FAM20A: variants seen among roughly 807,000 people sequenced by gnomAD.
FAM20A encodes pseudokinase FAM20A.
A neutral mutation model predicts 52.0 loss-of-function variants in FAM20A; 42 were observed. The observed-to-expected ratio is 0.81, with a 90% CI of 0.63 to 1.04. FAM20A has a LOEUF of 1.04. Ranked by LOEUF, FAM20A falls within the 50% of genes least tolerant of loss-of-function variation. The pLI is 0.00. For synonymous variants in FAM20A, 304 were observed against 298.9 expected (o/e 1.02, Z -0.18); for missense variants, 742 against 712.7 (o/e 1.04, Z -0.47).
Position 68,539,369 on chromosome 17 carries a change from G to A in FAM20A, c.1329C>T (p.Ile443=). 1 of 1,614,212 alleles carries A rather than the reference G, an allele frequency of 6.2e-7. No individual in the cohort carries two copies. Among genetic ancestry groups the A allele is most frequent in the Non-Finnish European group, 8.5e-7 (1 of 1,180,032 alleles). Residue 443 remains isoleucine, a synonymous_variant, in exon 10 of 11, where the codon ATC becomes ATT. Coordinates refer to ENST00000592554, the MANE Select transcript of FAM20A (RefSeq NM_017565.4). Reference sequence around the variant, plus strand: ...ACTGGGAGAGAGGCGAGAGGATGGAGATTTCATCATGGGAGTGTCGTCCGA... The same window carrying A: ...ACTGGGAGAGAGGCGAGAGGATGGAAATTTCATCATGGGAGTGTCGTCCGA... The part of the protein sequence containing the change: ...RGFGRHSHDE[I]SILSPLSQCC...
chr17:68,539,704 T>A (rs985188787), intron 9 of FAM20A, among the ~76,000 whole-genome samples, 181 bp downstream of exon 9: 5 of 152,174 alleles, frequency 3.3e-5, no homozygotes, highest in African/African-American at 1.2e-4. Context: ...TGGAGGAGGA[T>A]CAAGTGGTTC....
intron 1 of FAM20A, among the ~76,000 whole-genome samples, chr17:68,581,681 T>C (rs1041795644): frequency 2.0e-5 from 3 of 151,496 alleles, no homozygotes; most frequent in African/African-American, 7.3e-5. Flanking sequence ...GTTTAAGCGA[T>C]TGTCTTGCCT....
intron 4 of FAM20A, among the ~76,000 whole-genome samples, chr17:68,545,425 G>C (rs556405200): frequency 6.6e-6 from 1 of 152,178 alleles, no homozygotes; most frequent in Non-Finnish European, 1.5e-5. Context: ...TAAAAGTTAC[G>C]TTTCATTATA....
chr17:68,562,012 C>T (rs1004685562), intron 1 of FAM20A, among the ~76,000 whole-genome samples: 16 of 152,066 alleles, frequency 1.1e-4, no homozygotes, highest in Admixed American at 2.6e-4. Context: ...TCAGTAGAGA[C>T]GGGGTTTCGC....
intron 4 of FAM20A, among the ~76,000 whole-genome samples, chr17:68,548,508 C>T (rs1397391994): frequency 6.6e-6 from 1 of 151,200 alleles, no homozygotes; most frequent in Admixed American, 6.6e-5. Context: ...CCAGCCTGGG[C>T]AACAGAGTGA....
In FAM20A at chr17:68,580,386, G is replaced by A. The variant is rs567160953; in HGVS notation, c.404+19877C>T. Among the ~76,000 whole-genome samples, 18 of 152,310 alleles carry A rather than the reference G, an allele frequency of 1.2e-4. No individual in the cohort carries two copies. In the South Asian group the frequency reaches 3.1e-3, roughly 26 times the overall value. On this transcript the variant is annotated intron_variant, in intron 1 of 10. Coordinates refer to ENST00000592554, the MANE Select transcript of FAM20A (RefSeq NM_017565.4). ...GTTTCCCGAAATGGGCTGGTTTCCC[G>A]ACAAAAACTCATTCCTTTCTCGTTA...
chr17:68,540,636 A>C (rs1439672224), intron 8 of FAM20A: 3 of 668,872 alleles, frequency 4.5e-6, no homozygotes, highest in Non-Finnish European at 8.1e-6. Flanking sequence ...CTGCCTTATG[A>C]GTGACGACCC....
intron 1 of FAM20A, among the ~76,000 whole-genome samples, chr17:68,566,492 T>A (rs1199071900): frequency 6.6e-6 from 1 of 152,200 alleles, no homozygotes; most frequent in Non-Finnish European, 1.5e-5. Flanking sequence ...AATATGGTCT[T>A]TTTCAGAGTA....
At chr17:68,575,531 A>ATATTATATAATC (rs2087719722) in intron 1 of FAM20A, among the ~76,000 whole-genome samples, 1 of 101,982 alleles carries the variant, frequency 9.8e-6, no homozygotes, top group Non-Finnish European at 1.8e-5. Context: ...ATTATATAAT[A>ATATTATATAATC]TATATTTTAT....
intron 1 of FAM20A, among the ~76,000 whole-genome samples, chr17:68,566,493 T>C (rs1427440788): frequency 6.6e-6 from 1 of 152,194 alleles, no homozygotes; most frequent in Non-Finnish European, 1.5e-5. Flanking sequence ...ATATGGTCTT[T>C]TTCAGAGTAT....
At chr17:68,564,623 G>T (rs571180721) in intron 1 of FAM20A, among the ~76,000 whole-genome samples, 30 of 152,350 alleles carry the variant, frequency 2.0e-4, no homozygotes, top group Admixed American at 9.1e-4. Flanking sequence ...GTCTCTTGGT[G>T]TGCAGACTAA....
rs144294353 is a variant in FAM20A at position 68,594,698 on chromosome 17, G to A, written c.404+5565C>T. On this transcript the variant is annotated intron_variant, in intron 1 of 10. Transcript: ENST00000592554. ...TGTAGTCCCTGTTTCCTTGCTGGCTGTCAGCTGGGGCTAATCTTAGCCTAA... is the reference window on the plus strand; with the variant it reads ...TGTAGTCCCTGTTTCCTTGCTGGCTATCAGCTGGGGCTAATCTTAGCCTAA... Among the ~76,000 whole-genome samples the A allele has an allele frequency of 9.4e-4, 143 of 152,344 alleles. 4 individuals are homozygous for A. In the East Asian group the frequency reaches 0.023, roughly 25 times the overall value.
chr17:68,562,632 A>G lies in FAM20A; in HGVS notation c.405-6889T>C, dbSNP rs2087248881. 1.3e-5 allele frequency among the ~76,000 whole-genome samples: 2 copies of G among 148,354 alleles called. 1 individual carries two copies. The highest frequency in any genetic ancestry group is 4.4e-4 in the South Asian group (2 of 4,564). On this transcript the variant is annotated intron_variant, in intron 1 of 10. Transcript: ENST00000592554. ...TCCATCCCCCCCCCTTTTTATTTTA[A>G]GCATTGCATCTTCTCATTTGAATTG...
intron 4 of FAM20A, among the ~76,000 whole-genome samples, chr17:68,550,163 C>A (rs1005043357): frequency 2.0e-5 from 3 of 152,068 alleles, no homozygotes; most frequent in Admixed American, 2.0e-4. Context: ...TGATGACAAC[C>A]AATTCCCCAA....
At chr17:68,567,883 C>T (rs1186737171) in intron 1 of FAM20A, among the ~76,000 whole-genome samples, 5 of 152,026 alleles carry the variant, frequency 3.3e-5, no homozygotes, top group Admixed American at 2.0e-4. Flanking sequence ...TTCTTGCACT[C>T]GCTCCCTCCT....
chr17:68,579,319 A>G (rs1334881428), intron 1 of FAM20A, among the ~76,000 whole-genome samples: 1 of 152,128 alleles, frequency 6.6e-6, no homozygotes, highest in Non-Finnish European at 1.5e-5. Context: ...CACCTGCACG[A>G]GACCAGGTGA....
chr17:68,557,185 G>A (rs1345471654), intron 1 of FAM20A, among the ~76,000 whole-genome samples: 1 of 151,138 alleles, frequency 6.6e-6, no homozygotes, highest in Non-Finnish European at 1.5e-5. Context: ...GGGCGACAGA[G>A]CGAGACTCTG....
At position 68,551,855 on chromosome 17, in the gene FAM20A, A is replaced by C; in HGVS notation, c.719+18T>G. The stretch of plus-strand genomic sequence containing the variant: ...GCCACCCCAACTGGGTGTGGAAAGG[A>C]GGAAGGCAGTCACTTACCTCATGGG... On this transcript the variant is annotated intron_variant, in intron 4 of 10. Coordinates refer to ENST00000592554, the MANE Select transcript of FAM20A (RefSeq NM_017565.4). 1 of 1,559,616 alleles carries C rather than the reference A, an allele frequency of 6.4e-7. No individual in the cohort carries two copies. The highest frequency in any genetic ancestry group is 8.7e-7 in the Non-Finnish European group (1 of 1,148,320).
At position 68,536,684 on chromosome 17, in the gene FAM20A, G is replaced by A. The variant is rs1419615975; in HGVS notation, c.*793C>T. 1 of 453,480 alleles carries A rather than the reference G, an allele frequency of 2.2e-6. No homozygotes were observed. The highest frequency in any genetic ancestry group is 2.4e-5 in the Admixed American group (1 of 42,430). 28.1% of individuals were successfully genotyped at this position (453,480 alleles called of 1,614,324 possible). On this transcript the variant is annotated 3_prime_UTR_variant, in exon 11 of 11. Coordinates refer to ENST00000592554, the MANE Select transcript of FAM20A (RefSeq NM_017565.4). ...TCTTTTCCTGCCTTACTCCAGGCTTGTGTCCCTGCTAGGCCTGTTCCCATG... is the reference window on the plus strand; with the variant it reads ...TCTTTTCCTGCCTTACTCCAGGCTTATGTCCCTGCTAGGCCTGTTCCCATG...
Sources: gnomAD v4.1 joint callset for allele counts (sites outside exome capture counted in the v4.1 genomes callset) on GRCh38, gnomAD v4.1.1 for gene constraint, MANE v1.5 for transcripts, NCBI Gene and HGNC (gene_info 2026-07-23, HGNC 2026-07-21) for gene names.